ANKFN1: variants seen among roughly 807,000 people sequenced by gnomAD.
The protein encoded by ANKFN1 is ankyrin repeat and fibronectin type-III domain-containing protein 1.
A neutral mutation model predicts 108.7 loss-of-function variants in ANKFN1; 74 were observed. That is an observed-to-expected ratio of 0.68 (90% CI 0.56 to 0.83). ANKFN1 has a LOEUF of 0.83. Ranked by LOEUF, ANKFN1 falls within the 40% of genes least tolerant of loss-of-function variation. The pLI, the probability that ANKFN1 is intolerant of heterozygous loss-of-function variation, is 0.00. For synonymous variants in ANKFN1, 547 were observed against 516.2 expected (o/e 1.06, Z -0.81); for missense variants, 1,505 against 1,382.3 (o/e 1.09, Z -1.41).
Position 56,094,360 on chromosome 17 carries a change from A to G in ANKFN1, c.288+48035A>G, listed in dbSNP as rs138228856. Among the ~76,000 whole-genome samples, 922 of 151,246 alleles carry G rather than the reference A, an allele frequency of 6.1e-3. 36 individuals carry two copies. The highest frequency in any genetic ancestry group is 0.021 in the African/African-American group (886 of 41,270). Reference sequence around the variant, plus strand: ...GCAGAGTAAAATTATGATTTTCAGCATAATTTTCAACATAATTTTAGCATA... The same window carrying G: ...GCAGAGTAAAATTATGATTTTCAGCGTAATTTTCAACATAATTTTAGCATA... On this transcript the variant is annotated intron_variant, in intron 4 of 12. Transcript: ENST00000635860.
intron 4 of ANKFN1, among the ~76,000 whole-genome samples, chr17:56,080,872 C>T (rs1190382067): frequency 6.6e-6 from 1 of 152,164 alleles, no homozygotes; most frequent in Admixed American, 6.5e-5. Flanking sequence ...AATAACAAGG[C>T]ACACATTCAC....
At chr17:56,167,670 TC>T (rs1225641157) in intron 1 of ANKFN1, among the ~76,000 whole-genome samples, 1 of 152,242 alleles carries the variant, frequency 6.6e-6, no homozygotes, top group East Asian at 1.9e-4. Flanking sequence ...AGTTTCCCAC[TC>T]GTACTACATA....
chr17:56,228,927 T>C (rs1480126965), intron 3 of ANKFN1, among the ~76,000 whole-genome samples: 4 of 152,136 alleles, frequency 2.6e-5, no homozygotes, highest in Admixed American at 2.0e-4. Context: ...AAGAGTACAG[T>C]TGAATTATAT....
rs368558659 is a variant in ANKFN1, at chr17:56,189,247, T to G, written c.-70-23351T>G. ...GTGCAGTGGCGGGATCTCGGCTCACTGCAAGCTCCGCCTCCCGGGTTCACG... is the reference window on the plus strand; with the variant it reads ...GTGCAGTGGCGGGATCTCGGCTCACGGCAAGCTCCGCCTCCCGGGTTCACG... On this transcript the variant is annotated intron_variant, in intron 1 of 20. Coordinates refer to ENST00000682825, the MANE Select transcript of ANKFN1 (RefSeq NM_001370326.1). Among the ~76,000 whole-genome samples, 998 of 134,730 alleles carry G rather than the reference T, an allele frequency of 7.4e-3. 13 individuals carry two copies. The highest frequency in any genetic ancestry group is 0.027 in the African/African-American group (913 of 34,274). The allele number at this position is 134,730 out of a possible 152,430, so 88.4% of individuals were successfully genotyped here. A position where few individuals can be genotyped will look rare whatever the true frequency, so the allele number is the denominator to read the frequency against.
At chr17:56,213,248 C>A (rs1488147684) in intron 2 of ANKFN1, among the ~76,000 whole-genome samples, 1 of 152,162 alleles carries the variant, frequency 6.6e-6, no homozygotes, top group Admixed American at 6.5e-5. Context: ...ACTCAACCAT[C>A]CCGTCACAGG....
At chr17:56,336,316 T>C (rs2045809215) in intron 4 of ANKFN1, among the ~76,000 whole-genome samples, 1 of 152,216 alleles carries the variant, frequency 6.6e-6, no homozygotes. Flanking sequence ...TTTGTACCTC[T>C]GGTAGAATTC....
In ANKFN1 at chr17:56,308,075, C is replaced by T. The variant is rs138235020; in HGVS notation, c.54-18146C>T. Among the ~76,000 whole-genome samples, 216 of 151,936 alleles carry T rather than the reference C, an allele frequency of 1.4e-3. 2 individuals carry two copies. Among genetic ancestry groups the T allele is most frequent in the African/African-American group, 4.5e-3 (188 of 41,408 alleles). ...ACGCAGGAAGGGGAACATCACACAC[C>T]GGGGCCTGTTGTGGGATCGGGGGAG... On this transcript the variant is annotated intron_variant, in intron 3 of 20. Coordinates refer to ENST00000682825, the MANE Select transcript of ANKFN1 (RefSeq NM_001370326.1).
intron 1 of ANKFN1, among the ~76,000 whole-genome samples, chr17:56,187,811 T>G (rs1382519844): frequency 6.6e-6 from 1 of 152,070 alleles, no homozygotes; most frequent in Non-Finnish European, 1.5e-5. Context: ...AAACCATCAT[T>G]CTGAGCAAAC....
chr17:56,337,297 C>A (rs1483733589), intron 4 of ANKFN1, among the ~76,000 whole-genome samples: 2 of 152,126 alleles, frequency 1.3e-5, no homozygotes, highest in Admixed American at 6.6e-5. Context: ...TCTCGTCGAT[C>A]TGTCTAATAT....
At chr17:56,103,805 G>A (rs1204101552) in intron 4 of ANKFN1, among the ~76,000 whole-genome samples, 2 of 152,126 alleles carry the variant, frequency 1.3e-5, no homozygotes, top group African/African-American at 4.8e-5. Flanking sequence ...AGAGTTGCAG[G>A]GCCCATCCAG....
At position 56,513,052 on chromosome 17, in the gene ANKFN1, G is replaced by A. The variant is rs994552317; in HGVS notation, c.*1783G>A. 1.3e-5 allele frequency among the ~76,000 whole-genome samples: 2 copies of A among 152,178 alleles called. No homozygotes were observed. Among genetic ancestry groups the A allele is most frequent in the Non-Finnish European group, 2.9e-5 (2 of 68,044 alleles). The stretch of plus-strand genomic sequence containing the variant: ...GGGCCCATAAAATTTATCTAAGTCC[G>A]TGGGTTTGCAGGTAGGGCAATTAAG... On this transcript the variant is annotated 3_prime_UTR_variant, in exon 21 of 21. Coordinates refer to ENST00000682825, the MANE Select transcript of ANKFN1 (RefSeq NM_001370326.1).
At position 56,275,047 on chromosome 17, in the gene ANKFN1, C is replaced by T. The variant is rs547894275; in HGVS notation, c.53+47090C>T. ...CTGTTTAGGGCCATGCTTGCCTCCT[C>T]GTTTTTACTGGCTAGTGATGGGACC... On this transcript the variant is annotated intron_variant, in intron 3 of 20. Coordinates refer to ENST00000682825, the MANE Select transcript of ANKFN1 (RefSeq NM_001370326.1). 9.2e-5 allele frequency among the ~76,000 whole-genome samples: 14 copies of T among 152,318 alleles called. No individual in the cohort carries two copies. The East Asian group carries it at 1.5e-3, about 17-fold the overall frequency.
chr17:56,303,777 C>T lies in ANKFN1; in HGVS notation c.54-22444C>T, dbSNP rs184089015. ...TCAGCTCACTGCGACCTCCACCTCC[C>T]GGGTTCAAGTGATTCTCCTGCCTCA... On this transcript the variant is annotated intron_variant, in intron 3 of 20. Coordinates refer to ENST00000682825, the MANE Select transcript of ANKFN1 (RefSeq NM_001370326.1). 2.3e-3 allele frequency among the ~76,000 whole-genome samples: 351 copies of T among 151,760 alleles called. 1 individual carries two copies. The highest frequency in any genetic ancestry group is 4.4e-3 in the Non-Finnish European group (297 of 67,948).
chr17:56,441,571 ACAAGATGGAAGAGGGC>A (rs1371656007), intron 9 of ANKFN1, among the ~76,000 whole-genome samples: 1 of 152,212 alleles, frequency 6.6e-6, no homozygotes. Context: ...CCTATGGCTC[ACAAGATGGAAGAGGGC>A]CAGAAGGAAC....
chr17:56,376,100 T>C (rs2056881388), intron 8 of ANKFN1, among the ~76,000 whole-genome samples: 1 of 152,214 alleles, frequency 6.6e-6, no homozygotes, highest in Non-Finnish European at 1.5e-5. Context: ...AGTGTGGACT[T>C]TCTTTGCATT....
At chr17:56,355,096 GC>G (rs2046340298) in intron 6 of ANKFN1, among the ~76,000 whole-genome samples, 1 of 152,054 alleles carries the variant, frequency 6.6e-6, no homozygotes, top group South Asian at 2.1e-4. Flanking sequence ...TAGAAGAGAG[GC>G]TTTTGAATGT....
chr17:56,071,408 A>G (rs891492340), intron 4 of ANKFN1, among the ~76,000 whole-genome samples: 3 of 152,188 alleles, frequency 2.0e-5, no homozygotes, highest in African/African-American at 4.8e-5. Context: ...ACCTTGGAGT[A>G]TAAAGTTAGG....
chr17:56,173,914 C>G (rs72831971), intron 1 of ANKFN1, among the ~76,000 whole-genome samples: 6,268 of 152,278 alleles, frequency 0.041, 142 homozygotes, highest in Middle Eastern at 0.078. Flanking sequence ...ACCCACTGAT[C>G]CCAAATATTA....
rs868444118 is a variant in ANKFN1 at position 56,369,981 on chromosome 17, A to G, written c.602-2665A>G. ...CACTTTCCATTCTTCTCCATAATAGACCTATTTAATTTCTAAATAATATGC... is the reference window on the plus strand; with the variant it reads ...CACTTTCCATTCTTCTCCATAATAGGCCTATTTAATTTCTAAATAATATGC... On this transcript the variant is annotated intron_variant, in intron 6 of 20. Transcript: ENST00000682825. 9.2e-5 allele frequency among the ~76,000 whole-genome samples: 14 copies of G among 152,168 alleles called. No homozygotes were observed. In the South Asian group the frequency reaches 1.0e-3, roughly 11 times the overall value.
Sources: gnomAD v4.1 joint callset for allele counts (sites outside exome capture counted in the v4.1 genomes callset) on GRCh38, gnomAD v4.1.1 for gene constraint, MANE v1.5 for transcripts, NCBI Gene and HGNC (gene_info 2026-07-23, HGNC 2026-07-21) for gene names.